Variants in SPATS2 observed in about 807,000 individuals in gnomAD.
SPATS2 encodes spermatogenesis associated serine rich 2.
In SPATS2, 38 loss-of-function variants were observed where a neutral mutation model predicts 63.7. The ratio of observed to expected loss-of-function variants is 0.60; its 90% confidence interval spans 0.46 to 0.78. SPATS2 has a LOEUF of 0.78. Among genes scored for constraint, SPATS2 ranks in the 30% least tolerant of loss-of-function variants. The pLI is 0.00. For synonymous variants in SPATS2, 207 were observed against 232.9 expected, an observed-to-expected ratio of 0.89 and a Z score of 1.01; for missense variants, 588 against 666.2, an observed-to-expected ratio of 0.88 and a Z score of 1.29.
intron 3 of SPATS2, among the ~76,000 whole-genome samples, chr12:49,464,716 C>T (rs1468950795): frequency 6.6e-6 from 1 of 151,552 alleles, no homozygotes; most frequent in Admixed American, 6.6e-5. Context: ...ACAGTCCCAG[C>T]TATTTGGGAG....
intron 3 of SPATS2, among the ~76,000 whole-genome samples, chr12:49,471,958 A>G (rs1168442651): frequency 5.9e-5 from 9 of 152,242 alleles, no homozygotes; most frequent in Non-Finnish European, 1.2e-4. Context: ...CAACACAGTG[A>G]GACCCTGTCT....
chr12:49,443,569 A>G (rs1306957661), intron 2 of SPATS2, among the ~76,000 whole-genome samples: 1 of 149,830 alleles, frequency 6.7e-6, no homozygotes, highest in African/African-American at 2.4e-5. Context: ...AACTCTCACT[A>G]AAAAAAAATC....
chr12:49,447,708 A>G (rs1351705638), intron 2 of SPATS2, among the ~76,000 whole-genome samples: 1 of 152,070 alleles, frequency 6.6e-6, no homozygotes, highest in Non-Finnish European at 1.5e-5. Flanking sequence ...TAGTAATGTA[A>G]GTTTTTCTAG....
intron 2 of SPATS2, among the ~76,000 whole-genome samples, chr12:49,378,120 T>G (rs1280259239): frequency 6.6e-6 from 1 of 150,616 alleles, no homozygotes; most frequent in African/African-American, 2.4e-5. Flanking sequence ...TTATAGGTGC[T>G]CGCCACCATG....
chr12:49,453,825 C>T (rs1046394098), intron 2 of SPATS2, among the ~76,000 whole-genome samples: 2 of 149,856 alleles, frequency 1.3e-5, no homozygotes, highest in African/African-American at 2.5e-5. Flanking sequence ...AAAATCCAAG[C>T]ACGGGACACA....
intron 2 of SPATS2, among the ~76,000 whole-genome samples, chr12:49,415,794 A>C (rs1944879269): frequency 6.6e-6 from 1 of 152,162 alleles, no homozygotes; most frequent in South Asian, 2.1e-4. Context: ...ACAATATGTA[A>C]ACTAATAGGT....
chr12:49,438,184 G>A (rs1475894796), intron 2 of SPATS2, among the ~76,000 whole-genome samples: 1 of 151,996 alleles, frequency 6.6e-6, no homozygotes, highest in Non-Finnish European at 1.5e-5. Context: ...GCCTGTTCTT[G>A]TACTTGATAT....
At chr12:49,421,309 A>G (rs1320515494) in intron 2 of SPATS2, among the ~76,000 whole-genome samples, 6 of 148,806 alleles carry the variant, frequency 4.0e-5, no homozygotes, top group South Asian at 2.2e-4. Flanking sequence ...TCCCAGCTAC[A>G]TGGGAGGCTG....
At chr12:49,524,287 A>G (rs948503767) in intron 12 of SPATS2, among the ~76,000 whole-genome samples, 2 of 152,152 alleles carry the variant, frequency 1.3e-5, no homozygotes, top group African/African-American at 2.4e-5. Flanking sequence ...TTTCTTTGCA[A>G]AGGCTGTTCC....
At chr12:49,494,377 A>G (rs1230429844) in intron 6 of SPATS2, among the ~76,000 whole-genome samples, 4 of 151,924 alleles carry the variant, frequency 2.6e-5, no homozygotes, top group African/African-American at 4.8e-5. Context: ...AGCTTATACT[A>G]TTTTTTTCTA....
intron 2 of SPATS2, among the ~76,000 whole-genome samples, chr12:49,406,925 T>C (rs1391712362): frequency 6.6e-6 from 1 of 152,182 alleles, no homozygotes; most frequent in African/African-American, 2.4e-5. Context: ...AACACCAAAC[T>C]TGTGTATCCC....
chr12:49,368,575 T>G (rs981340318), intron 1 of SPATS2, among the ~76,000 whole-genome samples: 1 of 152,264 alleles, frequency 6.6e-6, no homozygotes, highest in African/African-American at 2.4e-5. Context: ...CATCTGCTAC[T>G]GGTTTTGTGT....
intron 8 of SPATS2, 136 bp from the exon 9 acceptor site, chr12:49,499,934 C>A (rs1039284542): frequency 1.2e-4 from 70 of 588,226 alleles, no homozygotes; most frequent in Non-Finnish European, 1.7e-4. Context: ...ACATGTTTTT[C>A]TCATTGGGGA....
chr12:49,438,853 G>A (rs773841450), intron 2 of SPATS2, among the ~76,000 whole-genome samples: 1 of 152,044 alleles, frequency 6.6e-6, no homozygotes, highest in Admixed American at 6.6e-5. Flanking sequence ...CTATGTGCCC[G>A]GTATAGTTCT....
At chr12:49,385,827 G>A (rs114637539) in intron 2 of SPATS2, among the ~76,000 whole-genome samples, 5 of 147,814 alleles carry the variant, frequency 3.4e-5, no homozygotes, top group Non-Finnish European at 3.0e-5. Context: ...ATTTTGTGGG[G>A]TTTTTTTTGT....
intron 2 of SPATS2, among the ~76,000 whole-genome samples, chr12:49,394,355 AAACAG>A (rs1323316259): frequency 2.8e-4 from 42 of 151,754 alleles, no homozygotes; most frequent in Non-Finnish European, 3.4e-4. Flanking sequence ...AAAAAAAAAA[AAACAG>A]AACTAGTTTG....
In SPATS2 at chr12:49,526,034, A is replaced by G; in HGVS notation, c.1417A>G (p.Met473Val). ...DPMNQGRHDS[M>V]GRYRNSSWYS... ...CATGAACCAAGGGCGGCATGACAGT[A>G]TGGGTCGTTACAGAAACAGCTCGTG... Residue 473 changes from methionine to valine, a missense_variant, in exon 14 of 14, where the codon ATG becomes GTG. Met to Val is a conservative substitution (Grantham distance 21, BLOSUM62 1). Coordinates refer to ENST00000552918, the MANE Select transcript of SPATS2 (RefSeq NM_023071.4). 1 of 1,614,214 alleles carries G rather than the reference A, an allele frequency of 6.2e-7. No homozygotes were observed. Among genetic ancestry groups the G allele is most frequent in the Non-Finnish European group, 8.5e-7 (1 of 1,180,036 alleles).
Position 49,500,062 on chromosome 12 carries a change from TC to T in SPATS2, c.704-4del. The T allele has an allele frequency of 2.8e-6, 4 of 1,448,100 alleles. No individual in the cohort carries two copies. Among genetic ancestry groups the T allele is most frequent in the South Asian group, 1.7e-5 (1 of 60,370 alleles). The allele number at this position is 1,448,100 out of a possible 1,614,324, so 89.7% of individuals were successfully genotyped here. On this transcript the variant is annotated splice_polypyrimidine_tract_variant and splice_region_variant and intron_variant, in intron 8 of 13. Coordinates refer to ENST00000552918, the MANE Select transcript of SPATS2 (RefSeq NM_023071.4). ...TTTTTTTTTAATATTTCGGTTTTTTTCCCCAAGGTTCCAATATTGAAAAATC... is the reference window on the plus strand; with the variant it reads ...TTTTTTTTTAATATTTCGGTTTTTTTCCCAAGGTTCCAATATTGAAAAATC...
rs372788196 is a variant in SPATS2 at position 49,472,253 on chromosome 12, T to C, written c.25+11216T>C. Among the ~76,000 whole-genome samples, 10 of 152,258 alleles carry C rather than the reference T, an allele frequency of 6.6e-5. No homozygotes were observed. The East Asian group carries it at 1.9e-3, about 29-fold the overall frequency. ...CTCAGGTTCAATAATTAGCTACATA[T>C]GGCTATTTTTTTTTGTCTGTCTTTC... On this transcript the variant is annotated intron_variant, in intron 3 of 13. Transcript: ENST00000552918.
Sources: allele counts gnomAD v4.1 joint callset (sites outside exome capture counted in the v4.1 genomes callset), GRCh38; gene constraint gnomAD v4.1.1; transcripts MANE v1.5; gene names NCBI Gene and HGNC (gene_info 2026-07-23, HGNC 2026-07-21).